CSMD1: variants seen among roughly 807,000 people sequenced by gnomAD.
CSMD1 encodes CUB and sushi domain-containing protein 1.
Under a neutral mutation model 417.5 loss-of-function variants are expected in CSMD1, and 213 were observed. That is an observed-to-expected ratio of 0.51 (90% CI 0.46 to 0.57). The LOEUF (loss-of-function observed/expected upper bound fraction) is 0.57. Among genes scored for constraint, CSMD1 ranks in the 20% least tolerant of loss-of-function variants. CSMD1 has a pLI of 0.00. For synonymous variants in CSMD1, 2,862 were observed against 1,736.8 expected (o/e 1.65, Z -16.11); for missense variants, 6,923 against 4,529.7 (o/e 1.53, Z -15.17).
intron 21 of CSMD1, among the ~76,000 whole-genome samples, chr8:3,354,911 A>G (rs1007556934): frequency 3.3e-5 from 5 of 151,418 alleles, no homozygotes; most frequent in Non-Finnish European, 4.4e-5. Flanking sequence ...ATCTATCTAT[A>G]GATATGTCTA....
intron 1 of CSMD1, among the ~76,000 whole-genome samples, chr8:4,963,354 C>G (rs900379387): frequency 6.6e-6 from 1 of 152,068 alleles, no homozygotes; most frequent in Non-Finnish European, 1.5e-5. Flanking sequence ...CACACACCAC[C>G]CTGCCCAGCT....
In CSMD1 at chr8:3,850,840, T is replaced by C. The variant is rs188510789; in HGVS notation, c.819-96798A>G. On this transcript the variant is annotated intron_variant, in intron 5 of 69. Transcript: ENST00000635120. Reference sequence around the variant, plus strand: ...TCAAAAGTTACTGAAGGATAAAAAATGATAGATACTCTACAGACTCAAGAA... The same window carrying C: ...TCAAAAGTTACTGAAGGATAAAAAACGATAGATACTCTACAGACTCAAGAA... Among the ~76,000 whole-genome samples the C allele has an allele frequency of 4.6e-3, 694 of 152,268 alleles. 5 individuals carry two copies. The highest frequency in any genetic ancestry group is 0.016 in the African/African-American group (660 of 41,556).
intron 1 of CSMD1, among the ~76,000 whole-genome samples, chr8:4,651,489 C>T (rs1803894022): frequency 1.3e-5 from 2 of 152,144 alleles, no homozygotes; most frequent in African/African-American, 2.4e-5. Flanking sequence ...ATTGAACAAA[C>T]ACAAGCGGAT....
At chr8:3,556,392 A>AAATATATATATATATATATAT (rs1799144386) in intron 10 of CSMD1, among the ~76,000 whole-genome samples, 2 of 120,448 alleles carry the variant, frequency 1.7e-5, no homozygotes, top group Non-Finnish European at 3.4e-5. Flanking sequence ...TATAATAATT[A>AAATATATATATATATATATAT]ATATATATAT....
At chr8:4,245,906 G>C (rs1272836253) in intron 3 of CSMD1, among the ~76,000 whole-genome samples, 2 of 152,090 alleles carry the variant, frequency 1.3e-5, no homozygotes, top group East Asian at 1.9e-4. Flanking sequence ...TGGTGCTTTA[G>C]CTAAGGCGTT....
chr8:4,289,061 C>T (rs1797216280), intron 3 of CSMD1, among the ~76,000 whole-genome samples: 2 of 152,204 alleles, frequency 1.3e-5, no homozygotes, highest in African/African-American at 4.8e-5. Context: ...AAACAGTGCA[C>T]ATATGGATGA....
intron 1 of CSMD1, among the ~76,000 whole-genome samples, chr8:4,924,790 T>C (rs1211994058): frequency 6.6e-6 from 1 of 151,948 alleles, no homozygotes; most frequent in Non-Finnish European, 1.5e-5. Flanking sequence ...CTCAAACTTT[T>C]TGACATATGT....
At chr8:3,614,619 G>C (rs762891451) in intron 8 of CSMD1, among the ~76,000 whole-genome samples, 10 of 152,156 alleles carry the variant, frequency 6.6e-5, no homozygotes, top group African/African-American at 2.4e-4. Flanking sequence ...GATATTCTCA[G>C]ATATGAGTTA....
At chr8:3,140,257 G>C (rs1016015848) in intron 41 of CSMD1, among the ~76,000 whole-genome samples, 1 of 152,114 alleles carries the variant, frequency 6.6e-6, no homozygotes, top group Non-Finnish European at 1.5e-5. Flanking sequence ...AAGAGAGAGA[G>C]CAGAGAATAG....
chr8:3,422,503 T>G (rs1813558081), intron 12 of CSMD1, among the ~76,000 whole-genome samples: 1 of 152,132 alleles, frequency 6.6e-6, no homozygotes, highest in Non-Finnish European at 1.5e-5. Context: ...GAAAGCATTT[T>G]AAAAGGTATA....
At chr8:3,417,599 G>C (rs1051999505) in intron 12 of CSMD1, among the ~76,000 whole-genome samples, 1 of 152,164 alleles carries the variant, frequency 6.6e-6, no homozygotes, top group Admixed American at 6.5e-5. Context: ...TGCGGGAAGT[G>C]TTAATGAACA....
intron 3 of CSMD1, among the ~76,000 whole-genome samples, chr8:4,209,185 G>C (rs762019887): frequency 6.6e-5 from 10 of 152,040 alleles, no homozygotes; most frequent in African/African-American, 1.9e-4. Flanking sequence ...TCCAGATGTA[G>C]GTGGCTTTAT....
chr8:4,607,848 G>T (rs1585323087), intron 2 of CSMD1, among the ~76,000 whole-genome samples: 1 of 152,106 alleles, frequency 6.6e-6, no homozygotes, highest in African/African-American at 2.4e-5. Context: ...ACTATTTTCT[G>T]AATCTTCCTC....
intron 2 of CSMD1, among the ~76,000 whole-genome samples, chr8:4,473,741 G>A (rs985976483): frequency 6.6e-6 from 1 of 152,044 alleles, no homozygotes; most frequent in Non-Finnish European, 1.5e-5. Context: ...ACACATAAAT[G>A]TTAGTTTCTT....
chr8:3,515,266 T>C (rs1293271226), intron 10 of CSMD1: 1 of 152,230 alleles, frequency 6.6e-6, no homozygotes, highest in East Asian at 1.9e-4. Context: ...GCACTGTACC[T>C]GCTTTTTCTG....
Position 3,711,788 on chromosome 8 carries a change from TACTC to T in CSMD1, c.932-3301_932-3298del, listed in dbSNP as rs1327774035. The stretch of plus-strand genomic sequence containing the variant: ...TGCTGAAATAACTTTATCTTGAAGT[TACTC>T]AGGAGAGAGGAGATGAATGCACAAT... On this transcript the variant is annotated intron_variant, in intron 6 of 69. Coordinates refer to ENST00000635120, the MANE Select transcript of CSMD1 (RefSeq NM_033225.6). 1.1e-4 allele frequency among the ~76,000 whole-genome samples: 16 copies of T among 152,200 alleles called. 1 individual carries two copies. Among genetic ancestry groups the T allele is most frequent in the Admixed American group, 8.5e-4 (13 of 15,284 alleles).
intron 3 of CSMD1, among the ~76,000 whole-genome samples, chr8:4,068,993 GAAAGAT>G (rs1178062012): frequency 6.6e-6 from 1 of 152,086 alleles, no homozygotes; most frequent in Non-Finnish European, 1.5e-5. Context: ...GAATGGCTTG[GAAAGAT>G]AACCCAGTAG....
chr8:4,078,353 G>A (rs1485689053), intron 3 of CSMD1, among the ~76,000 whole-genome samples: 1 of 134,174 alleles, frequency 7.5e-6, no homozygotes, highest in African/African-American at 2.9e-5. Context: ...CTTGCTCTGT[G>A]TCGCAGGCTG....
At chr8:3,835,282 G>A (rs1049639715) in intron 5 of CSMD1, among the ~76,000 whole-genome samples, 11 of 152,030 alleles carry the variant, frequency 7.2e-5, no homozygotes, top group East Asian at 3.9e-4. Context: ...TGTTTACTGC[G>A]GCACTATTCA....
Sources: gnomAD v4.1 joint callset for allele counts (sites outside exome capture counted in the v4.1 genomes callset) on GRCh38, gnomAD v4.1.1 for gene constraint, MANE v1.5 for transcripts, NCBI Gene and HGNC (gene_info 2026-07-23, HGNC 2026-07-21) for gene names.